Variants in ERC2 observed in about 807,000 individuals in gnomAD.
ERC2 encodes ERC protein 2.
A neutral mutation model predicts 114.8 loss-of-function variants in ERC2; 42 were observed. That is an observed-to-expected ratio of 0.37 (90% CI 0.29 to 0.47). The LOEUF (loss-of-function observed/expected upper bound fraction) is 0.47, where lower values mean the gene tolerates loss of function less well. Among genes scored for constraint, ERC2 ranks in the 20% least tolerant of loss-of-function variants. The pLI is 0.99. For synonymous variants in ERC2, 454 were observed against 425.5 expected, an observed-to-expected ratio of 1.07 and a Z score of -0.82; for missense variants, 939 against 1,150.7, an observed-to-expected ratio of 0.82 and a Z score of 2.66.
At chr3:55,691,338 T>A (rs1174979175) in intron 16 of ERC2, among the ~76,000 whole-genome samples, 1 of 151,922 alleles carries the variant, frequency 6.6e-6, no homozygotes, top group Non-Finnish European at 1.5e-5. Context: ...TCAAAATGCA[T>A]GCCAGGATAT....
Position 55,940,719 on chromosome 3 carries a change from T to A in ERC2, c.2403+9706A>T, listed in dbSNP as rs112157873. On this transcript the variant is annotated intron_variant, in intron 13 of 17. Coordinates refer to ENST00000288221, the MANE Select transcript of ERC2 (RefSeq NM_015576.3). ...ACAAAAAAGTCCTCAAAAAACATCA[T>A]TGGGAATGCTTGATGAACTGAAGGC... Among the ~76,000 whole-genome samples the A allele has an allele frequency of 8.2e-3, 1,250 of 152,260 alleles. 12 individuals are homozygous for A. Among genetic ancestry groups the A allele is most frequent in the African/African-American group, 0.029 (1,201 of 41,538 alleles).
intron 3 of ERC2, among the ~76,000 whole-genome samples, chr3:56,266,518 C>G (rs1443393040): frequency 2.6e-5 from 4 of 152,154 alleles, no homozygotes; most frequent in African/African-American, 9.7e-5. Flanking sequence ...TGGAAAGGTG[C>G]TCAACATCAC....
intron 14 of ERC2, among the ~76,000 whole-genome samples, chr3:55,818,421 C>T (rs1047029014): frequency 2.0e-5 from 3 of 152,160 alleles, no homozygotes; most frequent in African/African-American, 7.2e-5. Flanking sequence ...ATATCTCACT[C>T]CAGATCAAAT....
In ERC2 at chr3:55,683,756, A is replaced by AT. The variant is rs1387649421; in HGVS notation, c.*39+37dup. On this transcript the variant is annotated intron_variant, in intron 17 of 17. Coordinates refer to ENST00000288221, the MANE Select transcript of ERC2 (RefSeq NM_015576.3). ...GCACACAATACAACACTAGAATGCA[A>AT]TTTTTTAATAAAAATGATATAAAAG... The AT allele has an allele frequency of 4.5e-6, 7 of 1,559,220 alleles. No individual in the cohort carries two copies. The East Asian group carries it at 9.0e-5, about 20-fold the overall frequency.
At chr3:55,872,878 A>G (rs1160191078) in intron 14 of ERC2, among the ~76,000 whole-genome samples, 1 of 152,206 alleles carries the variant, frequency 6.6e-6, no homozygotes, top group African/African-American at 2.4e-5. Flanking sequence ...AAGGTGAGAA[A>G]CAACAGACAG....
intron 7 of ERC2, among the ~76,000 whole-genome samples, chr3:56,030,445 G>A (rs564869714): frequency 9.9e-5 from 15 of 152,044 alleles, no homozygotes; most frequent in African/African-American, 2.4e-4. Context: ...TTGTGAATTC[G>A]TTTATTTTAC....
chr3:55,688,856 A>G (rs1052944436), intron 16 of ERC2, among the ~76,000 whole-genome samples: 1 of 152,174 alleles, frequency 6.6e-6, no homozygotes, highest in Non-Finnish European at 1.5e-5. Context: ...ATTCCTCTGA[A>G]GGAATATGCT....
chr3:55,949,239 G>A (rs1408342114), intron 13 of ERC2, among the ~76,000 whole-genome samples: 3 of 152,076 alleles, frequency 2.0e-5, no homozygotes, highest in Non-Finnish European at 4.4e-5. Context: ...GCATGGTGGC[G>A]GGAGCCTGTA....
chr3:56,388,627 G>T (rs1486937468), intron 2 of ERC2, among the ~76,000 whole-genome samples: 3 of 152,098 alleles, frequency 2.0e-5, no homozygotes, highest in Non-Finnish European at 1.5e-5. Flanking sequence ...ACTTCCAATG[G>T]TTACTTCAAA....
intron 12 of ERC2, among the ~76,000 whole-genome samples, chr3:55,979,636 C>T (rs2149499599): frequency 6.6e-6 from 1 of 152,236 alleles, no homozygotes; most frequent in East Asian, 1.9e-4. Flanking sequence ...AACATGGCTA[C>T]CAATCTACAA....
At chr3:55,540,957 C>T (rs1322223048) in intron 17 of ERC2, among the ~76,000 whole-genome samples, 1 of 151,928 alleles carries the variant, frequency 6.6e-6, no homozygotes. Context: ...GCTCCCACTC[C>T]CTATGAAGAA....
intron 14 of ERC2, among the ~76,000 whole-genome samples, chr3:55,759,360 T>A (rs1458356462): frequency 6.6e-6 from 1 of 151,282 alleles, no homozygotes; most frequent in Non-Finnish European, 1.5e-5. Flanking sequence ...CACTCGGGTT[T>A]CACTTCATCT....
intron 13 of ERC2, among the ~76,000 whole-genome samples, chr3:55,906,672 T>C (rs1165776335): frequency 1.3e-5 from 2 of 152,160 alleles, no homozygotes; most frequent in African/African-American, 4.8e-5. Flanking sequence ...TTGCCCACTT[T>C]CCAAAGGGCA....
chr3:55,894,253 A>G (rs1055057398), intron 13 of ERC2, among the ~76,000 whole-genome samples: 1 of 152,210 alleles, frequency 6.6e-6, no homozygotes, highest in Non-Finnish European at 1.5e-5. Flanking sequence ...GTTTACCTTC[A>G]TGAAAGAACC....
At chr3:56,272,448 T>C (rs2053716089) in intron 3 of ERC2, among the ~76,000 whole-genome samples, 1 of 152,204 alleles carries the variant, frequency 6.6e-6, no homozygotes. Flanking sequence ...TATGTGAAAC[T>C]ACAGACTCCA....
chr3:55,874,645 A>G (rs1433114621), intron 14 of ERC2, among the ~76,000 whole-genome samples: 2 of 152,112 alleles, frequency 1.3e-5, no homozygotes, highest in Non-Finnish European at 2.9e-5. Flanking sequence ...TCCCCACTGT[A>G]CTGGTCTGAG....
intron 14 of ERC2, among the ~76,000 whole-genome samples, chr3:55,811,754 AC>A (rs2059728182): frequency 6.6e-6 from 1 of 152,194 alleles, no homozygotes; most frequent in African/African-American, 2.4e-5. Context: ...GGCCTGTGTT[AC>A]GTATCCCATT....
chr3:55,640,639 G>A (rs2060138421), intron 17 of ERC2, among the ~76,000 whole-genome samples: 1 of 152,166 alleles, frequency 6.6e-6, no homozygotes, highest in Non-Finnish European at 1.5e-5. Flanking sequence ...CATGAGGAAG[G>A]TAAAGAACAT....
intron 14 of ERC2, among the ~76,000 whole-genome samples, chr3:55,856,459 C>A (rs1281717344): frequency 2.6e-5 from 4 of 152,124 alleles, no homozygotes; most frequent in Non-Finnish European, 4.4e-5. Flanking sequence ...AGCCCAGGCT[C>A]TCCCAGAGCT....
Sources: allele counts gnomAD v4.1 joint callset (sites outside exome capture counted in the v4.1 genomes callset), GRCh38; gene constraint gnomAD v4.1.1; transcripts MANE v1.5; gene names NCBI Gene and HGNC (gene_info 2026-07-23, HGNC 2026-07-21).